The following USP48 variants were observed in gnomAD, a reference collection of about 807,000 sequenced individuals.
USP48 encodes the protein ubiquitin carboxyl-terminal hydrolase 48.
Under a neutral mutation model 150.7 loss-of-function variants are expected in USP48, and 43 were observed. The observed-to-expected ratio is 0.29, with a 90% CI of 0.22 to 0.37. The LOEUF is 0.37. USP48 is among the 10% of genes least tolerant of loss of function. The pLI is 1.00. For missense variants in USP48, 813 were observed against 1,249.6 expected (o/e 0.65, Z 5.27); for synonymous variants, 396 against 425.9 (o/e 0.93, Z 0.86).
intron 21 of USP48, among the ~76,000 whole-genome samples, chr1:21,702,047 G>A (rs1157743356): frequency 1.3e-5 from 2 of 152,120 alleles, no homozygotes; most frequent in Non-Finnish European, 2.9e-5. Flanking sequence ...CAAACACTAT[G>A]AAATACTCTT....
intron 9 of USP48, among the ~76,000 whole-genome samples, chr1:21,734,154 T>G (rs2097763440): frequency 6.6e-6 from 1 of 152,156 alleles, no homozygotes; most frequent in Non-Finnish European, 1.5e-5. Flanking sequence ...ATGCCAACAC[T>G]TTTGGGAGGC....
intron 1 of USP48, among the ~76,000 whole-genome samples, chr1:21,771,672 C>T (rs2097881070): frequency 6.6e-6 from 1 of 151,844 alleles, no homozygotes; most frequent in African/African-American, 2.4e-5. Context: ...ATAATCCCAA[C>T]ACTTTGGGAG....
intron 22 of USP48, among the ~76,000 whole-genome samples, chr1:21,701,035 A>AG (rs2097654134): frequency 8.0e-6 from 1 of 124,714 alleles, no homozygotes; most frequent in Admixed American, 9.7e-5. Flanking sequence ...ACTGTACTCC[A>AG]GCCTGGTTGA....
At position 21,678,300 on chromosome 1, in the gene USP48, T is replaced by TTC. The variant is rs2097556964; in HGVS notation, c.*1116_*1117insGA. The TTC allele has an allele frequency of 6.6e-6, 1 of 150,936 alleles. No homozygotes were observed. The highest frequency in any genetic ancestry group is 2.4e-5 in the African/African-American group (1 of 40,974). The allele number at this position is 150,936 out of a possible 1,614,324, so 9.3% of individuals were successfully genotyped here. ...AACAGAGAAAACTTTTTTTTTTTTT[T>TTC]CAAAGGAAAAACTCCAGTCTTAAGT... On this transcript the variant is annotated 3_prime_UTR_variant, in exon 27 of 27. Transcript: ENST00000308271.
chr1:21,696,892 G>A (rs1224716993), intron 22 of USP48, among the ~76,000 whole-genome samples: 1 of 141,424 alleles, frequency 7.1e-6, no homozygotes, highest in African/African-American at 2.6e-5. Context: ...GTGGCCGGTG[G>A]GGGCGGTGGG....
chr1:21,685,540 C>T (rs556948062), intron 25 of USP48, among the ~76,000 whole-genome samples: 49 of 152,232 alleles, frequency 3.2e-4, no homozygotes, highest in African/African-American at 1.1e-3. Flanking sequence ...GTCACAAACT[C>T]CTGACTTCAA....
At chr1:21,682,971 A>G (rs973835549) in intron 25 of USP48, among the ~76,000 whole-genome samples, 56 of 152,230 alleles carry the variant, frequency 3.7e-4, no homozygotes, top group African/African-American at 1.3e-3. Context: ...TAAAAAAAAT[A>G]CAAACAAGGC....
intron 14 of USP48, among the ~76,000 whole-genome samples, chr1:21,715,927 GAC>G (rs2097702899): frequency 1.3e-5 from 2 of 152,114 alleles, no homozygotes; most frequent in Non-Finnish European, 2.9e-5. Context: ...TATGTTCTAA[GAC>G]CCTCAATGGA....
chr1:21,727,783 T>C (rs1474883067), intron 11 of USP48: 1 of 791,914 alleles, frequency 1.3e-6, no homozygotes, highest in Non-Finnish European at 1.5e-6. Context: ...AATTTTTGTT[T>C]ACATTTTGCT....
chr1:21,729,951 A>G, intron 9 of USP48, 119 bp from the exon 10 acceptor site: 1 of 1,222,966 alleles, frequency 8.2e-7, no homozygotes. Context: ...ACACCAATCT[A>G]AAACATTCAA....
At chr1:21,710,015 T>C (rs61776037) in intron 15 of USP48, among the ~76,000 whole-genome samples, 1 of 152,148 alleles carries the variant, frequency 6.6e-6, no homozygotes, top group African/African-American at 2.4e-5. Context: ...ATGTAATGAA[T>C]GATAATGAAG....
At chr1:21,707,206 G>A (rs941392805) in intron 15 of USP48, among the ~76,000 whole-genome samples, 1 of 152,072 alleles carries the variant, frequency 6.6e-6, no homozygotes, top group Non-Finnish European at 1.5e-5. Flanking sequence ...GGGATTCCAG[G>A]AGTCCTGGGA....
chr1:21,700,931 G>A, intron 22 of USP48, among the ~76,000 whole-genome samples: 1 of 152,062 alleles, frequency 6.6e-6, no homozygotes, highest in Non-Finnish European at 1.5e-5. Flanking sequence ...CAGGAGTGGT[G>A]GCGCATGCCT....
intron 11 of USP48, among the ~76,000 whole-genome samples, chr1:21,725,435 T>A (rs965312619): frequency 1.3e-5 from 2 of 152,182 alleles, no homozygotes; most frequent in African/African-American, 4.8e-5. Flanking sequence ...TAATTATACA[T>A]TTACGTAAAC....
chr1:21,738,924 TG>T (rs1347302876), intron 8 of USP48, among the ~76,000 whole-genome samples: 2 of 152,262 alleles, frequency 1.3e-5, no homozygotes, highest in East Asian at 3.9e-4. Context: ...CAAAACCCAC[TG>T]AACTCACCCC....
chr1:21,760,713 T>C (rs539865653), intron 1 of USP48, among the ~76,000 whole-genome samples: 71 of 146,158 alleles, frequency 4.9e-4, no homozygotes, highest in African/African-American at 1.7e-3. Flanking sequence ...CAAAACTCTA[T>C]CTCAAAAAAA....
chr1:21,751,422 G>C (rs1465244719), intron 6 of USP48, 85 bp downstream of exon 6: 2 of 998,856 alleles, frequency 2.0e-6, no homozygotes, highest in African/African-American at 1.6e-5. Context: ...AAAAGCTCTA[G>C]CCACTAAATC....
Position 21,782,856 on chromosome 1 carries a change from G to A in USP48, c.102C>T (p.Ile34=), listed in dbSNP as rs1288740944. 1.9e-6 allele frequency: 3 copies of A among 1,560,560 alleles called. No individual in the cohort carries two copies. Among genetic ancestry groups the A allele is most frequent in the Non-Finnish European group, 2.6e-6 (3 of 1,154,116 alleles). The change falls in exon 1 of 27, where the codon ATC becomes ATT. Residue 34 remains isoleucine (I), a synonymous_variant. Transcript: ENST00000308271. ...SQEHIETAYR[I]WLEPCIRGVC... ...CGCCGCGAATGCAGGGCTCCAGCCA[G>A]ATGCGGTAAGCGGTCTCGATGTGCT...
chr1:21,738,191 G>A (rs2097772753), intron 8 of USP48, among the ~76,000 whole-genome samples: 1 of 151,190 alleles, frequency 6.6e-6, no homozygotes, highest in African/African-American at 2.4e-5. Context: ...CCAAGCAGCT[G>A]GGGTTACAGG....
Sources: gnomAD v4.1 joint callset for allele counts (sites outside exome capture counted in the v4.1 genomes callset) on GRCh38, gnomAD v4.1.1 for gene constraint, MANE v1.5 for transcripts, NCBI Gene and HGNC (gene_info 2026-07-23, HGNC 2026-07-21) for gene names.